GRXCR2: variants seen among roughly 807,000 people sequenced by gnomAD.
GRXCR2 encodes glutaredoxin and cysteine rich domain containing 2.
GRXCR2 carries 23 observed loss-of-function variants against 24.8 expected under a neutral mutation model. The ratio of observed to expected loss-of-function variants is 0.93; its 90% confidence interval spans 0.67 to 1.32. The LOEUF (loss-of-function observed/expected upper bound fraction) is 1.32, where lower values mean the gene tolerates loss of function less well. Among genes scored for constraint, GRXCR2 ranks in the 40% most tolerant of loss-of-function variants. The probability of loss-of-function intolerance (pLI) is 0.00; values close to 1 mark genes in which losing one functional copy is unlikely to be tolerated. For synonymous variants in GRXCR2, 130 were observed against 116.1 expected (o/e 1.12, Z -0.77); for missense variants, 315 against 303.4 (o/e 1.04, Z -0.28).
In GRXCR2 at chr5:145,927,440, C is replaced by T. The variant is rs368305898; in HGVS notation, c.-70+8261G>A. ...TTTATTGAGAGTTTTTAGCATGAAG[C>T]GTTGTTGAATTGTGTCAAAGGCCTT... On this transcript the variant is annotated intron_variant, in intron 2 of 3. Coordinates refer to the GRXCR2 transcript ENST00000639411. Among the ~76,000 whole-genome samples, 95 of 152,082 alleles carry T rather than the reference C, an allele frequency of 6.2e-4. 3 individuals are homozygous for T. In the South Asian group the frequency reaches 0.017, roughly 27 times the overall value.
intron 2 of GRXCR2, among the ~76,000 whole-genome samples, chr5:145,916,413 C>A (rs990862873): frequency 9.2e-5 from 14 of 152,108 alleles, no homozygotes; most frequent in Admixed American, 9.2e-4. Context: ...CAGTTACAGG[C>A]ATTAGGATCT....
At chr5:145,915,020 G>A (rs1036968467) in intron 2 of GRXCR2, among the ~76,000 whole-genome samples, 2 of 152,182 alleles carry the variant, frequency 1.3e-5, no homozygotes, top group African/African-American at 4.8e-5. Context: ...TCTCTTCCAG[G>A]CATCCTCAAG....
intron 2 of GRXCR2, among the ~76,000 whole-genome samples, chr5:145,912,616 T>G (rs909478859): frequency 1.3e-5 from 2 of 151,402 alleles, no homozygotes; most frequent in Non-Finnish European, 2.9e-5. Context: ...CGAAGGAGAG[T>G]GACAGACAGA....
At chr5:145,871,319 G>C (rs965648457) in intron 1 of GRXCR2, among the ~76,000 whole-genome samples, 4 of 152,038 alleles carry the variant, frequency 2.6e-5, no homozygotes, top group African/African-American at 4.8e-5. Context: ...GTAATAATAT[G>C]GTTCTCTAAA....
At chr5:145,928,479 A>C (rs1382756351) in intron 2 of GRXCR2, among the ~76,000 whole-genome samples, 2 of 152,154 alleles carry the variant, frequency 1.3e-5, no homozygotes, top group African/African-American at 4.8e-5. Context: ...CACTATTCAC[A>C]ATAGCAAAGA....
upstream of GRXCR2, among the ~76,000 whole-genome samples, chr5:145,877,062 A>G (rs2149913938): frequency 6.6e-6 from 1 of 152,094 alleles, no homozygotes; most frequent in Admixed American, 6.5e-5. Context: ...TCTTACTTTG[A>G]TAAGCAAGAA....
At chr5:145,917,092 T>C (rs1757251731) in intron 2 of GRXCR2, among the ~76,000 whole-genome samples, 1 of 151,220 alleles carries the variant, frequency 6.6e-6, no homozygotes, top group Non-Finnish European at 1.5e-5. Context: ...AGCAGTTATT[T>C]CCAGGGTGGG....
intron 2 of GRXCR2, among the ~76,000 whole-genome samples, chr5:145,888,922 C>T (rs1756815102): frequency 6.6e-6 from 1 of 151,926 alleles, no homozygotes; most frequent in Non-Finnish European, 1.5e-5. Flanking sequence ...GCCTGTAATC[C>T]CAGCACTTTG....
intron 2 of GRXCR2, among the ~76,000 whole-genome samples, chr5:145,928,453 C>T (rs1472266067): frequency 3.3e-5 from 5 of 151,906 alleles, no homozygotes; most frequent in South Asian, 2.1e-4. Flanking sequence ...CACATGCACA[C>T]GTATGTTTAT....
At chr5:145,872,322 C>G (rs1581333680) in intron 1 of GRXCR2, among the ~76,000 whole-genome samples, 2 of 152,204 alleles carry the variant, frequency 1.3e-5, no homozygotes, top group East Asian at 3.8e-4. Flanking sequence ...GTCTGACAAC[C>G]TGAAAACCAC....
chr5:145,866,569 C>T lies in GRXCR2; in HGVS notation c.496G>A (p.Gly166Ser), dbSNP rs1482244879. 1 of 1,614,200 alleles carries T rather than the reference C, an allele frequency of 6.2e-7. No homozygotes were observed. Among genetic ancestry groups the T allele is most frequent in the East Asian group, 2.2e-5 (1 of 44,886 alleles). ...AAAGGTCTATCGTGCTGGTCCCTGCCTCCATAGCTTTCTTCTTTGTTCATC... is the reference window on the plus strand; with the variant it reads ...AAAGGTCTATCGTGCTGGTCCCTGCTTCCATAGCTTTCTTCTTTGTTCATC... ...SLMNKEESYG[G>S]RDQHDRPLVE... The change falls in exon 2 of 3, where the codon GGC (glycine) becomes AGC (serine). Residue 166 changes from glycine to serine, a missense_variant. Transcript: ENST00000377976.
rs2569006 is a variant in GRXCR2, at chr5:145,866,522, T to G, written c.543A>C (p.Leu181Phe). Residue 181 changes from leucine (L) to phenylalanine (F), a missense_variant, in exon 2 of 3, where the codon TTA becomes TTC. Physicochemically the swap from Leu to Phe is conservative, Grantham distance 22. Transcript: ENST00000377976. The stretch of plus-strand genomic sequence containing the variant: ...GCACCTGTGTATACCGGTTTTGGGG[T>G]AATGTGCTTTCTGCCTCCACCAAAG... ...DRPLVEAEST[L>F]PQNRYTQEGD... The G allele has an allele frequency of 0.62, 993,267 of 1,613,148 alleles. 311,540 individuals are homozygous for G. The highest frequency in any genetic ancestry group is 0.86 in the African/African-American group (64,137 of 74,984).
chr5:145,902,026 G>A (rs186632426), intron 2 of GRXCR2, among the ~76,000 whole-genome samples: 2 of 152,110 alleles, frequency 1.3e-5, no homozygotes, highest in African/African-American at 4.8e-5. Flanking sequence ...AAGATGATTC[G>A]GAGGTTTTTG....
At chr5:145,877,985 A>C (rs1756644550), upstream of GRXCR2, among the ~76,000 whole-genome samples, 1 of 152,232 alleles carries the variant, frequency 6.6e-6, no homozygotes, top group Admixed American at 6.5e-5. Context: ...AACAAACAGA[A>C]AGAAATAGCA....
At position 145,890,836 on chromosome 5, in the gene GRXCR2, T is replaced by C. The variant is rs915195639; in HGVS notation, c.-69-24108A>G. Among the ~76,000 whole-genome samples the C allele has an allele frequency of 4.3e-5, 6 of 140,062 alleles. No homozygotes were observed. In the Admixed American group the frequency reaches 4.3e-4, roughly 10 times the overall value. The allele number at this position is 140,062 out of a possible 152,430, so 91.9% of individuals were successfully genotyped here. On this transcript the variant is annotated intron_variant, in intron 2 of 3. Transcript: ENST00000639411. ...AAAGTCACAGAAGGGCAAGTTGAAT[T>C]AAAAAAAAAAAAAGACTCATTGACC...
chr5:145,913,820 T>C (rs1333997727), intron 2 of GRXCR2, among the ~76,000 whole-genome samples: 3 of 152,134 alleles, frequency 2.0e-5, no homozygotes, highest in African/African-American at 7.2e-5. Flanking sequence ...AGACCATGCC[T>C]AGCTGGGGAC....
At chr5:145,893,204 C>T (rs539565293) in intron 2 of GRXCR2, among the ~76,000 whole-genome samples, 21 of 152,282 alleles carry the variant, frequency 1.4e-4, no homozygotes, top group African/African-American at 5.1e-4. Context: ...ACCATCAAGG[C>T]TAGGAAGAAA....
intron 2 of GRXCR2, among the ~76,000 whole-genome samples, chr5:145,904,962 A>AC (rs1192832383): frequency 6.6e-6 from 1 of 152,140 alleles, no homozygotes; most frequent in Non-Finnish European, 1.5e-5. Context: ...AGCAGTCCAA[A>AC]CAAGCAAGTC....
chr5:145,872,798 A>G lies in GRXCR2; in HGVS notation c.171T>C (p.Ser57=). The G allele has an allele frequency of 6.2e-7, 1 of 1,614,236 alleles. No individual in the cohort carries two copies. Among genetic ancestry groups the G allele is most frequent in the Non-Finnish European group, 8.5e-7 (1 of 1,180,038 alleles). Residue 57 remains serine, a synonymous_variant, in exon 1 of 3, where the codon TCT becomes TCC. Transcript: ENST00000377976. ...EEYPHSFLQE[S]LETMDGVYGS... ...CATAAACACCATCCATTGTTTCAAG[A>G]GACTCTTGCAGAAAACTGTGAGGGT...
Sources: gnomAD v4.1 joint callset for allele counts (sites outside exome capture counted in the v4.1 genomes callset) on GRCh38, gnomAD v4.1.1 for gene constraint, MANE v1.5 for transcripts, NCBI Gene and HGNC (gene_info 2026-07-23, HGNC 2026-07-21) for gene names.